The following SYCP2 variants were observed in gnomAD, a reference collection of about 807,000 sequenced individuals.
SYCP2 encodes the protein synaptonemal complex lateral element protein.
A neutral mutation model predicts 211.3 loss-of-function variants in SYCP2; 55 were observed. That is an observed-to-expected ratio of 0.26 (90% CI 0.21 to 0.33). The LOEUF is 0.33. SYCP2 is among the 10% of genes least tolerant of loss of function. SYCP2 has a pLI of 1.00. For missense variants in SYCP2, 1,731 were observed against 1,752.0 expected, an observed-to-expected ratio of 0.99 and a Z score of 0.21; for synonymous variants, 570 against 555.2, an observed-to-expected ratio of 1.03 and a Z score of -0.37.
Position 59,877,523 on chromosome 20 carries a change from G to A in SYCP2, c.3012C>T (p.Asp1004=). 2 of 1,595,524 alleles carry A rather than the reference G, an allele frequency of 1.3e-6. No homozygotes were observed. The highest frequency in any genetic ancestry group is 1.2e-5 in the South Asian group (1 of 85,990). Residue 1004 remains aspartate (D), a synonymous_variant, in exon 33 of 45, where the codon GAC becomes GAT. Coordinates refer to ENST00000357552, the MANE Select transcript of SYCP2 (RefSeq NM_014258.4). Reference sequence around the variant, plus strand: ...TGATTCTTCCTTCCGGAATTGTCTTGTCCATCTTTTTTGTGATATTTTTAC... The same window carrying A: ...TGATTCTTCCTTCCGGAATTGTCTTATCCATCTTTTTTGTGATATTTTTAC... ...TPSKNITKKM[D]KTIPEGRIRL...
chr20:59,909,263 T>C (rs2060271211), intron 14 of SYCP2, among the ~76,000 whole-genome samples: 1 of 152,222 alleles, frequency 6.6e-6, no homozygotes, highest in South Asian at 2.1e-4. Flanking sequence ...TCTATATCTC[T>C]ACTTACAGCT....
chr20:59,879,834 T>C (rs913941278), intron 31 of SYCP2, among the ~76,000 whole-genome samples: 6 of 54,350 alleles, frequency 1.1e-4, no homozygotes, highest in African/African-American at 9.6e-4. Flanking sequence ...TATATATATA[T>C]ATATATATAT....
At chr20:59,884,871 G>A (rs886625786) in intron 26 of SYCP2, among the ~76,000 whole-genome samples, 7 of 152,062 alleles carry the variant, frequency 4.6e-5, no homozygotes, top group African/African-American at 1.4e-4. Context: ...AAACCCATGA[G>A]TAAAATAGCA....
At position 59,895,523 on chromosome 20, in the gene SYCP2, G is replaced by C; in HGVS notation, c.1579C>G (p.Gln527Glu). ...TTATCCACTCTATTTTCTGATGTTT[G>C]AGAAACACTAGGTTTCTCTGCAGAG... ...TSSAEKPSVS[Q>E]TSENRVDNAA... Residue 527 changes from glutamine (Q) to glutamate (E), a missense_variant, in exon 20 of 45, where the codon CAA becomes GAA. By Grantham distance (29) the Gln-to-Glu change is conservative. This residue lies in a region of SYCP2 where 1,387 missense variants were observed against 1,351.3 expected (regional missense o/e 1.03). Transcript: ENST00000357552. 6.2e-7 allele frequency: 1 copy of C among 1,612,624 alleles called. No homozygotes were observed. Among genetic ancestry groups the C allele is most frequent in the South Asian group, 1.1e-5 (1 of 90,982 alleles).
At chr20:59,905,400 T>C (rs755170452) in intron 15 of SYCP2, among the ~76,000 whole-genome samples, 21 of 152,210 alleles carry the variant, frequency 1.4e-4, no homozygotes, top group Non-Finnish European at 2.9e-4. Flanking sequence ...AGTTGAAGTA[T>C]ATCTATACAA....
In SYCP2 at chr20:59,865,553, A is replaced by G. The variant is rs761205261; in HGVS notation, c.4458+20T>C. ...TTTGTAATCAAGAGAGGTAACCTAT[A>G]AAAAGCATAAAATTTATACCTCGGA... is the stretch of plus-strand genomic sequence containing the variant. On this transcript the variant is annotated intron_variant, in intron 43 of 44. Coordinates refer to ENST00000357552, the MANE Select transcript of SYCP2 (RefSeq NM_014258.4). The G allele has an allele frequency of 6.3e-7, 1 of 1,589,592 alleles. No homozygotes were observed. The highest frequency in any genetic ancestry group is 8.6e-7 in the Non-Finnish European group (1 of 1,165,604).
rs748702796 is a variant in SYCP2 at position 59,892,715 on chromosome 20, T to C, written c.1794-14A>G. On this transcript the variant is annotated splice_polypyrimidine_tract_variant and intron_variant, in intron 22 of 44. Transcript: ENST00000357552. ...ACACCAGGTAATCTAGAAAATAAAT[T>C]AATTTGCTTAATGTTACAAAACATT... is the stretch of plus-strand genomic sequence containing the variant. The C allele has an allele frequency of 6.3e-7, 1 of 1,596,748 alleles. No individual in the cohort carries two copies.
intron 18 of SYCP2, among the ~76,000 whole-genome samples, 183 bp from the exon 19 acceptor site, chr20:59,896,711 G>C (rs1265720053): frequency 6.6e-6 from 1 of 151,964 alleles, no homozygotes; most frequent in African/African-American, 2.4e-5. Flanking sequence ...TTCATGTTTG[G>C]TATTAAATAA....
chr20:59,913,898 A>C, intron 12 of SYCP2, 77 bp downstream of exon 12: 2 of 1,042,600 alleles, frequency 1.9e-6, no homozygotes, highest in Non-Finnish European at 1.4e-6. Flanking sequence ...TTAAATGTAT[A>C]AAGATGCAAC....
rs956597692 is a variant in SYCP2, at chr20:59,912,495, C to T, written c.831-77G>A. ...TCTTGTCCAGTAATAGAAATCATGCCTAGAATCAAAAGGAAATCAGGCAGT... is the reference window on the plus strand; with the variant it reads ...TCTTGTCCAGTAATAGAAATCATGCTTAGAATCAAAAGGAAATCAGGCAGT... On this transcript the variant is annotated intron_variant, in intron 12 of 44. Coordinates refer to ENST00000357552, the MANE Select transcript of SYCP2 (RefSeq NM_014258.4). The T allele has an allele frequency of 3.4e-5, 18 of 537,194 alleles. No individual in the cohort carries two copies. The Admixed American group carries it at 6.7e-4, about 20-fold the overall frequency. The allele number at this position is 537,194 out of a possible 1,614,324, so 33.3% of individuals were successfully genotyped here.
At chr20:59,866,610 A>T (rs2059341924) in intron 39 of SYCP2, 21 bp from the exon 40 acceptor site, 1 of 1,514,370 alleles carries the variant, frequency 6.6e-7, no homozygotes, top group East Asian at 2.3e-5. Flanking sequence ...CTCATTTTTA[A>T]GTTAAAATAT....
intron 18 of SYCP2, among the ~76,000 whole-genome samples, chr20:59,899,284 G>C (rs1248218284): frequency 2.0e-5 from 3 of 152,130 alleles, no homozygotes; most frequent in African/African-American, 7.2e-5. Context: ...CAAAAAAAAT[G>C]AACAGTAGTA....
intron 15 of SYCP2, among the ~76,000 whole-genome samples, chr20:59,906,891 T>C (rs1041135521): frequency 1.3e-5 from 2 of 152,036 alleles, no homozygotes; most frequent in African/African-American, 4.8e-5. Flanking sequence ...AGAAAGCACA[T>C]GAAAAAGTGC....
At chr20:59,910,493 G>T (rs1003854576) in intron 14 of SYCP2, among the ~76,000 whole-genome samples, 8 of 141,982 alleles carry the variant, frequency 5.6e-5, no homozygotes, top group Non-Finnish European at 1.0e-4. Flanking sequence ...CCATTCTCCT[G>T]CCTCAACCTC....
intron 31 of SYCP2, among the ~76,000 whole-genome samples, chr20:59,878,953 C>T (rs1280010913): frequency 2.0e-5 from 3 of 152,056 alleles, no homozygotes; most frequent in Non-Finnish European, 4.4e-5. Flanking sequence ...AACACATTAA[C>T]TTGTAGTTAT....
chr20:59,885,407 C>T (rs2059766673), intron 26 of SYCP2, among the ~76,000 whole-genome samples: 1 of 152,036 alleles, frequency 6.6e-6, no homozygotes, highest in Non-Finnish European at 1.5e-5. Context: ...AGAACCGAAA[C>T]TGGGCTAATA....
At chr20:59,931,246 C>A (rs948615511) in intron 2 of SYCP2, among the ~76,000 whole-genome samples, 1 of 152,120 alleles carries the variant, frequency 6.6e-6, no homozygotes, top group South Asian at 2.1e-4. Flanking sequence ...ATGGTGAGAT[C>A]CTATTTCTAC....
At chr20:59,870,252 A>G (rs1056255783) in intron 35 of SYCP2, among the ~76,000 whole-genome samples, 1 of 151,746 alleles carries the variant, frequency 6.6e-6, no homozygotes, top group East Asian at 1.9e-4. Context: ...AAGAACACGA[A>G]TAAGAATTTT....
At chr20:59,909,673 C>G (rs1480931132) in intron 14 of SYCP2, among the ~76,000 whole-genome samples, 1 of 152,194 alleles carries the variant, frequency 6.6e-6, no homozygotes, top group Non-Finnish European at 1.5e-5. Flanking sequence ...TTGCAATCCC[C>G]TATGCCCTCT....
Sources: allele counts gnomAD v4.1 joint callset (sites outside exome capture counted in the v4.1 genomes callset), GRCh38; gene constraint gnomAD v4.1.1; regional missense constraint gnomAD v4.1.1; transcripts MANE v1.5; gene names NCBI Gene and HGNC (gene_info 2026-07-23, HGNC 2026-07-21).